Variants in DAB2IP observed in about 807,000 individuals in gnomAD.
DAB2IP encodes the protein disabled homolog 2-interacting protein.
Under a neutral mutation model 107.2 loss-of-function variants are expected in DAB2IP, and 28 were observed. That is an observed-to-expected ratio of 0.26 (90% confidence interval 0.19 to 0.36). The LOEUF is 0.36. Among genes scored for constraint, DAB2IP ranks in the 10% least tolerant of loss-of-function variants. The pLI, the probability that DAB2IP is intolerant of heterozygous loss-of-function variation, is 1.00. For missense variants in DAB2IP, 1,400 were observed against 1,644.7 expected, an observed-to-expected ratio of 0.85 and a Z score of 2.57; for synonymous variants, 755 against 706.4, an observed-to-expected ratio of 1.07 and a Z score of -1.09.
intron 3 of DAB2IP, among the ~76,000 whole-genome samples, chr9:121,725,549 G>A (rs369438620): frequency 2.0e-5 from 3 of 152,212 alleles, no homozygotes; most frequent in South Asian, 4.1e-4. Flanking sequence ...GGACAGTCAC[G>A]CCAATCTCTG....
At chr9:121,632,995 C>T (rs1831950047) in intron 1 of DAB2IP, among the ~76,000 whole-genome samples, 1 of 152,220 alleles carries the variant, frequency 6.6e-6, no homozygotes, top group African/African-American at 2.4e-5. Flanking sequence ...CCCAACCCTG[C>T]TCAGCTTCCC....
intron 3 of DAB2IP, among the ~76,000 whole-genome samples, chr9:121,718,171 G>A (rs924664511): frequency 1.3e-5 from 2 of 152,092 alleles, no homozygotes; most frequent in Non-Finnish European, 2.9e-5. Context: ...ACAGCTCTGC[G>A]CCAGCCTGTC....
intron 1 of DAB2IP, among the ~76,000 whole-genome samples, chr9:121,605,706 A>G (rs184399289): frequency 1.1e-4 from 17 of 152,152 alleles, no homozygotes; most frequent in African/African-American, 3.6e-4. Context: ...AGGTCTCACT[A>G]TATTGCGCAG....
At chr9:121,688,810 C>T (rs940578716) in intron 2 of DAB2IP, among the ~76,000 whole-genome samples, 3 of 152,176 alleles carry the variant, frequency 2.0e-5, no homozygotes, top group African/African-American at 4.8e-5. Flanking sequence ...AGGGAGTAAA[C>T]GAATTAAATG....
At chr9:121,602,992 G>A (rs1830740242) in intron 1 of DAB2IP, among the ~76,000 whole-genome samples, 1 of 152,224 alleles carries the variant, frequency 6.6e-6, no homozygotes, top group Non-Finnish European at 1.5e-5. Flanking sequence ...GTAGGCATGA[G>A]CCACTGTACC....
In DAB2IP at chr9:121,699,400, T is replaced by A. The variant is rs1473352300; in HGVS notation, c.304T>A (p.Phe102Ile). 5.5e-6 allele frequency: 8 copies of A among 1,467,178 alleles called. No individual in the cohort carries two copies. The Admixed American group carries it at 1.7e-4, about 30-fold the overall frequency. The allele number at this position is 1,467,178 out of a possible 1,614,324, so 90.9% of individuals were successfully genotyped here. A position where few individuals can be genotyped will look rare whatever the true frequency, so the allele number is the denominator to read the frequency against. The change falls in exon 3 of 16, where the codon TTC becomes ATC. Residue 102 changes from phenylalanine to isoleucine, a missense_variant. Physicochemically the swap from Phe to Ile is conservative, Grantham distance 21. Around this residue, in one of 3 missense-constraint regions of DAB2IP, gnomAD observed 283 missense variants for 237.0 expected, o/e 1.19. Transcript: ENST00000408936. This position sits in a 1 kb window ranked among gnomAD's most constrained non-coding sequence, Gnocchi z 6.2. The stretch of plus-strand genomic sequence containing the variant: ...GCCCAAGCTGGACCGCAACCACAGC[T>A]TCCGCCACATCCTGCCGGGGTTCCG...
intron 1 of DAB2IP, among the ~76,000 whole-genome samples, chr9:121,596,273 G>A (rs1418925918): frequency 6.6e-6 from 1 of 152,192 alleles, no homozygotes; most frequent in African/African-American, 2.4e-5. Context: ...AGAGGTTGCG[G>A]TGAACTGAGA....
chr9:121,615,768 A>G (rs1320343818), intron 1 of DAB2IP, among the ~76,000 whole-genome samples: 1 of 151,892 alleles, frequency 6.6e-6, no homozygotes, highest in African/African-American at 2.4e-5. Flanking sequence ...CTGGGATTAC[A>G]GGTGCGCACC....
chr9:121,577,910 G>C (rs1830101723), intron 1 of DAB2IP, among the ~76,000 whole-genome samples: 1 of 152,126 alleles, frequency 6.6e-6, no homozygotes, highest in African/African-American at 2.4e-5. Context: ...CGTCACTCAG[G>C]GGTCCTTGGG....
intron 3 of DAB2IP, chr9:121,742,980 T>C (rs1832458944): frequency 2.0e-6 from 2 of 985,266 alleles, no homozygotes; most frequent in Admixed American, 6.1e-5. Context: ...CACTGGAGGA[T>C]GTGGAGCAGT....
At chr9:121,628,305 C>T (rs759849483) in intron 1 of DAB2IP, among the ~76,000 whole-genome samples, 19 of 152,234 alleles carry the variant, frequency 1.2e-4, no homozygotes, top group Non-Finnish European at 4.4e-5. Flanking sequence ...GGGCCCCCCC[C>T]ATCCTAGTGA....
At chr9:121,666,989 G>T (rs1286012971) in intron 1 of DAB2IP, among the ~76,000 whole-genome samples, 1 of 151,692 alleles carries the variant, frequency 6.6e-6, no homozygotes, top group Non-Finnish European at 1.5e-5. Flanking sequence ...ACAATCTGAA[G>T]ATTCCATGAC....
rs972241214 is a variant in DAB2IP at position 121,678,569 on chromosome 9, C to G, written c.125-109C>G. 55 of 925,440 alleles carry G rather than the reference C, an allele frequency of 5.9e-5. No homozygotes were observed. In the African/African-American group the frequency reaches 9.2e-4, roughly 15 times the overall value. 57.3% of individuals were successfully genotyped at this position (925,440 alleles called of 1,614,324 possible). On this transcript the variant is annotated intron_variant, in intron 1 of 15. Coordinates refer to ENST00000408936, the Ensembl canonical transcript of DAB2IP. The stretch of plus-strand genomic sequence containing the variant: ...TTTTCCATAGTGCCTGGACCATTTT[C>G]TAGGGACCGGTTTGTCTGTTGTCCT...
At chr9:121,778,556 CTGAG>C (rs1322147125) in intron 14 of DAB2IP, among the ~76,000 whole-genome samples, 4 of 152,074 alleles carry the variant, frequency 2.6e-5, no homozygotes, top group East Asian at 1.9e-4. Context: ...TTCTTTTGGA[CTGAG>C]TATTTTTTTA....
chr9:121,579,039 G>T (rs1423821128), intron 1 of DAB2IP, among the ~76,000 whole-genome samples: 3 of 152,082 alleles, frequency 2.0e-5, no homozygotes, highest in Non-Finnish European at 4.4e-5. Context: ...CCTCTCGGGT[G>T]AGGCTCTGGT....
intron 1 of DAB2IP, among the ~76,000 whole-genome samples, chr9:121,603,965 G>C (rs1474351240): frequency 1.3e-5 from 2 of 152,306 alleles, no homozygotes; most frequent in South Asian, 2.1e-4. Flanking sequence ...GGTGGCCAGT[G>C]GGGCCAGGAC....
intron 2 of DAB2IP, among the ~76,000 whole-genome samples, chr9:121,687,074 C>G (rs555063162): frequency 2.5e-4 from 38 of 152,274 alleles, no homozygotes; most frequent in Non-Finnish European, 4.4e-4. Context: ...AGCAAGTGGA[C>G]TTCTGGGTGG....
At chr9:121,651,516 T>G, upstream of DAB2IP, 1 of 325,862 alleles carries the variant, frequency 3.1e-6, no homozygotes, top group Non-Finnish European at 4.5e-6. This position sits in a 1 kb window ranked among gnomAD's most constrained non-coding sequence, Gnocchi z 5.1. Flanking sequence ...AGGCCGGGAT[T>G]TCTCCCGCAC....
At chr9:121,763,218 G>C (rs79916220) in intron 6 of DAB2IP, among the ~76,000 whole-genome samples, 6,074 of 152,242 alleles carry the variant, frequency 0.04, 237 homozygotes, top group African/African-American at 0.092. Context: ...CTGTGGTGGT[G>C]GGGGCTTGTG....
Sources: allele counts gnomAD v4.1 joint callset (sites outside exome capture counted in the v4.1 genomes callset), GRCh38; gene constraint gnomAD v4.1.1; regional missense constraint gnomAD v4.1.1; non-coding constraint Gnocchi (gnomAD v3.1); transcripts MANE v1.5; gene names NCBI Gene and HGNC (gene_info 2026-07-23, HGNC 2026-07-21).